RB1: variants seen among roughly 807,000 people sequenced by gnomAD.
RB1 encodes retinoblastoma-associated protein.
A neutral mutation model predicts 135.4 loss-of-function variants in RB1; 18 were observed. That is an observed-to-expected ratio of 0.13 (90% confidence interval 0.09 to 0.20). RB1 has a LOEUF of 0.20. Among genes scored for constraint, RB1 ranks in the 10% least tolerant of loss-of-function variants. The probability of loss-of-function intolerance (pLI) is 1.00; values close to 1 mark genes in which losing one functional copy is unlikely to be tolerated. For synonymous variants in RB1, 365 were observed against 373.2 expected (o/e 0.98, Z 0.25); for missense variants, 868 against 1,110.0 (o/e 0.78, Z 3.10).
At chr13:48,445,891 A>T (rs558585894) in intron 17 of RB1, among the ~76,000 whole-genome samples, 1 of 152,180 alleles carries the variant, frequency 6.6e-6, no homozygotes, top group South Asian at 2.1e-4. Context: ...GGTAAAAAAC[A>T]TGGGGGAAAG....
At chr13:48,448,764 AGAGTT>A (rs781777150) in intron 17 of RB1, among the ~76,000 whole-genome samples, 1 of 152,256 alleles carries the variant, frequency 6.6e-6, no homozygotes, top group African/African-American at 2.4e-5. Context: ...AGCTGAGAAA[AGAGTT>A]GAATGTTCAA....
intron 26 of RB1, among the ~76,000 whole-genome samples, chr13:48,477,610 A>G (rs1949512218): frequency 6.6e-6 from 1 of 152,172 alleles, no homozygotes; most frequent in South Asian, 2.1e-4. Flanking sequence ...TACCCTTTCT[A>G]TGATCTTTCA....
chr13:48,385,230 C>T (rs142644127), intron 17 of RB1, among the ~76,000 whole-genome samples: 4 of 152,100 alleles, frequency 2.6e-5, no homozygotes, highest in African/African-American at 9.7e-5. Flanking sequence ...GAGAAATCTG[C>T]TCATAATGTA....
At chr13:48,453,411 TG>T (rs1426072398) in intron 18 of RB1, among the ~76,000 whole-genome samples, 3 of 151,718 alleles carry the variant, frequency 2.0e-5, no homozygotes, top group Admixed American at 2.0e-4. Flanking sequence ...GACAGAGGAG[TG>T]TGTTCCAAGA....
chr13:48,313,529 T>G (rs1952151534), intron 2 of RB1, among the ~76,000 whole-genome samples: 1 of 151,034 alleles, frequency 6.6e-6, no homozygotes, highest in African/African-American at 2.4e-5. Context: ...TTTTTTTGTT[T>G]TTTTTTTTTG....
Position 48,319,124 on chromosome 13 carries a change from G to A in RB1, c.264+11718G>A. On this transcript the variant is annotated intron_variant, in intron 2 of 26. Coordinates refer to ENST00000267163, the MANE Select transcript of RB1 (RefSeq NM_000321.3). The surrounding 1 kb of genome is among the most constrained non-coding windows in gnomAD (Gnocchi z 5.0). Reference sequence around the variant, plus strand: ...GGAAGCCGGGCTCGCTGGAGGCGGAGCTTTGGTTTCCTTCGGGAGCTTGTG... The same window carrying A: ...GGAAGCCGGGCTCGCTGGAGGCGGAACTTTGGTTTCCTTCGGGAGCTTGTG... 3.3e-6 allele frequency: 2 copies of A among 609,148 alleles called. No homozygotes were observed. The highest frequency in any genetic ancestry group is 2.2e-5 in the Admixed American group (1 of 46,390). 37.7% of individuals were successfully genotyped at this position (609,148 alleles called of 1,614,324 possible). A position where few individuals can be genotyped will look rare whatever the true frequency, so the allele number is the denominator to read the frequency against.
At chr13:48,354,535 A>T (rs1403785449) in intron 6 of RB1, among the ~76,000 whole-genome samples, 1 of 152,178 alleles carries the variant, frequency 6.6e-6, no homozygotes, top group Non-Finnish European at 1.5e-5. Flanking sequence ...ATTCAATGCA[A>T]TTCCTATCAA....
chr13:48,431,663 A>T (rs1186045140), intron 17 of RB1, among the ~76,000 whole-genome samples: 2 of 152,082 alleles, frequency 1.3e-5, no homozygotes, highest in Admixed American at 6.6e-5. Flanking sequence ...TACGAGCACT[A>T]CTCCAGAAAG....
intron 17 of RB1, among the ~76,000 whole-genome samples, chr13:48,449,022 G>T (rs1175338202): frequency 6.6e-6 from 1 of 152,078 alleles, no homozygotes; most frequent in African/African-American, 2.4e-5. Context: ...TGAATTAAGA[G>T]CAGGATAAAT....
chr13:48,371,912 C>T (rs4151514), intron 11 of RB1, among the ~76,000 whole-genome samples: 4,647 of 152,202 alleles, frequency 0.031, 229 homozygotes, highest in African/African-American at 0.1. Flanking sequence ...CCTGTCAGAT[C>T]AGCAGTGGAA....
chr13:48,326,385 T>G (rs1053412081), intron 2 of RB1, among the ~76,000 whole-genome samples: 2 of 152,110 alleles, frequency 1.3e-5, no homozygotes, highest in Non-Finnish European at 2.9e-5. Flanking sequence ...TTTTTGAGTT[T>G]GACAAATTTA....
intron 23 of RB1, among the ~76,000 whole-genome samples, chr13:48,465,596 A>G (rs1272062341): frequency 6.6e-6 from 1 of 152,136 alleles, no homozygotes; most frequent in African/African-American, 2.4e-5. Context: ...TACAGCTCCC[A>G]GCGTGAGCGA....
At chr13:48,391,228 T>C (rs1948608098) in intron 17 of RB1, among the ~76,000 whole-genome samples, 1 of 152,200 alleles carries the variant, frequency 6.6e-6, no homozygotes. Flanking sequence ...CTTAGAATAG[T>C]ATATTTCCAT....
At chr13:48,310,823 T>C (rs1443825800) in intron 2 of RB1, among the ~76,000 whole-genome samples, 1 of 152,208 alleles carries the variant, frequency 6.6e-6, no homozygotes, top group Non-Finnish European at 1.5e-5. Flanking sequence ...AAGTTTGTGG[T>C]ATTTTGTCTA....
chr13:48,477,475 A>G (rs1009151160), intron 26 of RB1, 71 bp downstream of exon 26: 64 of 1,236,504 alleles, frequency 5.2e-5, no homozygotes, highest in South Asian at 4.5e-4. Flanking sequence ...TTTTCGTTAT[A>G]TAAAAGAATG....
chr13:48,476,108 ATTCGC>A (rs1949502656), intron 24 of RB1, among the ~76,000 whole-genome samples: 1 of 152,210 alleles, frequency 6.6e-6, no homozygotes. Flanking sequence ...TATTGGGAGA[ATTCGC>A]TAGTTTAATT....
chr13:48,466,733 A>T (rs1949447816), intron 23 of RB1, among the ~76,000 whole-genome samples: 1 of 97,032 alleles, frequency 1.0e-5, no homozygotes, highest in African/African-American at 3.5e-5. Context: ...GGAGCTGAAA[A>T]CCAAGGCTCG....
intron 17 of RB1, among the ~76,000 whole-genome samples, chr13:48,385,080 T>C (rs1026984138): frequency 6.6e-6 from 1 of 152,224 alleles, no homozygotes; most frequent in Non-Finnish European, 1.5e-5. Flanking sequence ...GAATTTATCA[T>C]ATTTTTTCAA....
chr13:48,385,445 C>G (rs1392146560), intron 17 of RB1, among the ~76,000 whole-genome samples: 5 of 152,106 alleles, frequency 3.3e-5, no homozygotes, highest in Admixed American at 6.6e-5. Context: ...AGCTGGGAGC[C>G]TGAGGAGAAG....
Sources: gnomAD v4.1 joint callset for allele counts (sites outside exome capture counted in the v4.1 genomes callset) on GRCh38, gnomAD v4.1.1 for gene constraint, Gnocchi (gnomAD v3.1) non-coding constraint, MANE v1.5 for transcripts, NCBI Gene and HGNC (gene_info 2026-07-23, HGNC 2026-07-21) for gene names.